The following LIPI variants were observed in gnomAD, a reference collection of about 807,000 sequenced individuals.
The protein encoded by LIPI is lipase I.
Under a neutral mutation model 50.6 loss-of-function variants are expected in LIPI, and 59 were observed. The observed-to-expected ratio is 1.16, with a 90% CI of 0.94 to 1.45. The LOEUF is 1.45. LIPI is among the 40% of genes most tolerant of loss of function. The pLI, the probability that LIPI is intolerant of heterozygous loss-of-function variation, is 0.00. For missense variants in LIPI, 586 were observed against 536.3 expected, an observed-to-expected ratio of 1.09 and a Z score of -0.92; for synonymous variants, 203 against 178.2, an observed-to-expected ratio of 1.14 and a Z score of -1.11.
intron 9 of LIPI, among the ~76,000 whole-genome samples, chr21:14,135,864 C>G (rs879308370): frequency 2.6e-5 from 4 of 152,104 alleles, no homozygotes; most frequent in Non-Finnish European, 5.9e-5. Context: ...CTTCCCTAAC[C>G]TCAGGCTGCA....
intron 7 of LIPI, among the ~76,000 whole-genome samples, chr21:14,161,657 TTAATGTA>T (rs2018481309): frequency 9.1e-6 from 1 of 110,248 alleles, no homozygotes; most frequent in Admixed American, 1.2e-4. Context: ...TTATTATATA[TTAATGTA>T]TAATATATAC....
chr21:14,193,711 G>A (rs2019752919), intron 1 of LIPI, among the ~76,000 whole-genome samples: 1 of 151,708 alleles, frequency 6.6e-6, no homozygotes. Flanking sequence ...TCATACCTTG[G>A]ATTTGGCATT....
At chr21:14,130,608 G>T (rs2017256362) in intron 9 of LIPI, among the ~76,000 whole-genome samples, 1 of 152,156 alleles carries the variant, frequency 6.6e-6, no homozygotes, top group Non-Finnish European at 1.5e-5. Context: ...CTGGTCACAA[G>T]CCCACACCTA....
chr21:14,209,355 C>G (rs894137679), intron 1 of LIPI, among the ~76,000 whole-genome samples: 1 of 152,174 alleles, frequency 6.6e-6, no homozygotes, highest in East Asian at 1.9e-4. Flanking sequence ...ATGAAACATG[C>G]CCTCCTTGAG....
chr21:14,166,323 G>T, intron 5 of LIPI, 39 bp downstream of exon 5: 1 of 1,095,554 alleles, frequency 9.1e-7, no homozygotes, highest in South Asian at 1.2e-5. Context: ...TCATCATTTC[G>T]AATATTATGT....
At chr21:14,109,408 C>T (rs933691459) in intron 9 of LIPI, among the ~76,000 whole-genome samples, 2 of 152,090 alleles carry the variant, frequency 1.3e-5, no homozygotes, top group African/African-American at 4.8e-5. Flanking sequence ...CCAGGCCATT[C>T]CTTCCATCAT....
intron 8 of LIPI, among the ~76,000 whole-genome samples, chr21:14,149,887 C>T (rs1249618990): frequency 3.3e-5 from 5 of 152,198 alleles, no homozygotes; most frequent in African/African-American, 4.8e-5. Flanking sequence ...TCATGGCTAG[C>T]GTTGGGTGTC....
intron 7 of LIPI, among the ~76,000 whole-genome samples, chr21:14,154,052 G>GT (rs1196870202): frequency 6.6e-6 from 1 of 152,028 alleles, no homozygotes; most frequent in Admixed American, 6.6e-5. Context: ...ATTTCTGAGA[G>GT]TTTTTTATAT....
At chr21:14,155,686 G>A (rs557857818) in intron 7 of LIPI, among the ~76,000 whole-genome samples, 37 of 151,940 alleles carry the variant, frequency 2.4e-4, no homozygotes, top group Non-Finnish European at 5.0e-4. Flanking sequence ...AGTGCTGAAA[G>A]AAAATACTGC....
chr21:14,176,748 A>G (rs1410702349), intron 4 of LIPI, among the ~76,000 whole-genome samples: 1 of 148,802 alleles, frequency 6.7e-6, no homozygotes, highest in Non-Finnish European at 1.5e-5. Flanking sequence ...CATTTCGCTA[A>G]TAATGCCCTC....
At chr21:14,202,879 CATCA>C (rs2020106349) in intron 1 of LIPI, among the ~76,000 whole-genome samples, 1 of 152,014 alleles carries the variant, frequency 6.6e-6, no homozygotes, top group African/African-American at 2.4e-5. Context: ...AAAAAACTAC[CATCA>C]GAGTGAACAG....
At chr21:14,181,092 T>G (rs1243623390) in intron 4 of LIPI, among the ~76,000 whole-genome samples, 1 of 152,196 alleles carries the variant, frequency 6.6e-6, no homozygotes, top group Non-Finnish European at 1.5e-5. Context: ...AACGGAAATT[T>G]AGTAGAATTC....
At chr21:14,136,119 C>CCCTGA (rs2017490657) in intron 9 of LIPI, among the ~76,000 whole-genome samples, 1 of 152,180 alleles carries the variant, frequency 6.6e-6, no homozygotes. Flanking sequence ...TGACAGCATT[C>CCCTGA]ATCACCTGCT....
intron 9 of LIPI, 102 bp from the exon 10 acceptor site, chr21:14,109,182 C>G: frequency 1.2e-6 from 1 of 864,506 alleles, no homozygotes; most frequent in Non-Finnish European, 1.9e-6. Flanking sequence ...ATGCCTGTAA[C>G]TAGCTAGTTC....
chr21:14,152,070 AT>A (rs970585593), intron 8 of LIPI, among the ~76,000 whole-genome samples: 2 of 141,312 alleles, frequency 1.4e-5, no homozygotes, highest in African/African-American at 5.4e-5. Flanking sequence ...TCTTTAACTT[AT>A]TTTATTTATT....
chr21:14,141,831 T>A (rs962555885), intron 9 of LIPI, among the ~76,000 whole-genome samples: 15 of 152,188 alleles, frequency 9.9e-5, no homozygotes, highest in Non-Finnish European at 8.8e-5. Context: ...ATTTCTGATG[T>A]CTGGCCAAGA....
rs2019552953 is a variant in LIPI at position 14,189,035 on chromosome 21, A to G, written c.431T>C (p.Leu144Ser). The G allele has an allele frequency of 2.5e-6, 4 of 1,603,414 alleles. No homozygotes were observed. Among genetic ancestry groups the G allele is most frequent in the Non-Finnish European group, 1.7e-6 (2 of 1,179,436 alleles). The change falls in exon 2 of 10, where the codon TTG becomes TCG. Residue 144 changes from leucine to serine, a missense_variant and splice_region_variant. Physicochemically the swap from Leu to Ser is moderately radical, Grantham distance 145. Coordinates refer to ENST00000681601, the MANE Select transcript of LIPI (RefSeq NM_001302998.2). ...VSLSVHIKNLLKHGASLDNFH... is the reference protein window; with the variant it reads ...VSLSVHIKNLSKHGASLDNFH... ...AATACATAAAATTCCCAGACTTACC[A>G]AAAGATTTTTAATGTGCACACTCAA...
chr21:14,205,791 C>A (rs1257893153), intron 1 of LIPI, among the ~76,000 whole-genome samples: 1 of 151,936 alleles, frequency 6.6e-6, no homozygotes, highest in Admixed American at 6.6e-5. Context: ...ATGGTATCAG[C>A]AAAAACTGAA....
In LIPI at chr21:14,178,694, C is replaced by T. The variant is rs1255087682; in HGVS notation, c.643+3064G>A. On this transcript the variant is annotated intron_variant, in intron 4 of 9. Coordinates refer to ENST00000681601, the MANE Select transcript of LIPI (RefSeq NM_001302998.2). ...TTTTTATAGCCAGTGTATAATAATT[C>T]CAATATCTGGAGGCCTATGGGTGTT... 6.6e-5 allele frequency among the ~76,000 whole-genome samples: 10 copies of T among 152,206 alleles called. 1 individual carries two copies. The South Asian group carries it at 1.2e-3, about 19-fold the overall frequency.
Sources: allele counts gnomAD v4.1 joint callset (sites outside exome capture counted in the v4.1 genomes callset), GRCh38; gene constraint gnomAD v4.1.1; transcripts MANE v1.5; gene names NCBI Gene and HGNC (gene_info 2026-07-23, HGNC 2026-07-21).